ARL6IP5: variants seen among roughly 807,000 people sequenced by gnomAD.
The protein encoded by ARL6IP5 is ARF like GTPase 6 interacting protein 5.
In ARL6IP5, 6 loss-of-function variants were observed where a neutral mutation model predicts 13.0. The observed-to-expected ratio is 0.46, with a 90% CI of 0.25 to 0.91. The LOEUF (loss-of-function observed/expected upper bound fraction) is 0.91. ARL6IP5 is among the 40% of genes least tolerant of loss of function. The pLI is 0.17. For synonymous variants in ARL6IP5, 91 were observed against 91.9 expected, an observed-to-expected ratio of 0.99 and a Z score of 0.06; for missense variants, 208 against 248.8, an observed-to-expected ratio of 0.84 and a Z score of 1.10.
intron 1 of ARL6IP5, among the ~76,000 whole-genome samples, chr3:69,088,510 A>G (rs2092255071): frequency 6.6e-6 from 1 of 152,224 alleles, no homozygotes; most frequent in South Asian, 2.1e-4. Flanking sequence ...TCAAGATTTC[A>G]GGAAGGGTGA....
chr3:69,087,218 G>A (rs1357552496), intron 1 of ARL6IP5, among the ~76,000 whole-genome samples: 3 of 151,804 alleles, frequency 2.0e-5, no homozygotes, highest in African/African-American at 7.3e-5. Context: ...TCACTATGTT[G>A]CCCAGGCTGG....
chr3:69,103,194 C>T (rs565167591), intron 2 of ARL6IP5, among the ~76,000 whole-genome samples: 9 of 152,246 alleles, frequency 5.9e-5, no homozygotes, highest in East Asian at 1.9e-4. Context: ...AGGTGCTTAA[C>T]GCTTAGTATT....
chr3:69,086,671 C>G (rs1164905427), intron 1 of ARL6IP5, among the ~76,000 whole-genome samples: 2 of 151,962 alleles, frequency 1.3e-5, no homozygotes, highest in South Asian at 2.1e-4. Flanking sequence ...CCTTCTGAAC[C>G]TTCCCTCAGC....
At chr3:69,088,749 C>T (rs779074318) in intron 1 of ARL6IP5, among the ~76,000 whole-genome samples, 3 of 152,178 alleles carry the variant, frequency 2.0e-5, no homozygotes, top group South Asian at 2.1e-4. Flanking sequence ...TGTCTAAGAT[C>T]GAAGTTGCCA....
intron 1 of ARL6IP5, 22 bp downstream of exon 1, chr3:69,085,245 G>A: frequency 2.5e-6 from 4 of 1,602,320 alleles, no homozygotes; most frequent in South Asian, 1.1e-5. Context: ...CCCCCTACCC[G>A]GGACACCGAT....
intron 1 of ARL6IP5, among the ~76,000 whole-genome samples, chr3:69,092,708 C>G (rs1164924535): frequency 6.6e-6 from 1 of 151,988 alleles, no homozygotes; most frequent in South Asian, 2.1e-4. Flanking sequence ...TAAGTAGAGA[C>G]GGGGTTTCAC....
At chr3:69,102,116 G>A (rs1256307191) in intron 2 of ARL6IP5, 60 bp downstream of exon 2, 12 of 1,548,614 alleles carry the variant, frequency 7.7e-6, no homozygotes, top group African/African-American at 1.4e-5. Context: ...ATTATCCAAC[G>A]GGAATTCCAT....
chr3:69,101,966 G>A lies in ARL6IP5; in HGVS notation c.304G>A (p.Val102Ile), dbSNP rs148099883. Residue 102 changes from valine (V) to isoleucine (I), a missense_variant, in exon 2 of 3, where the codon GTT becomes ATT. Val to Ile is a conservative substitution (Grantham distance 29). Coordinates refer to ENST00000273258, the MANE Select transcript of ARL6IP5 (RefSeq NM_006407.4). ...GAAGAAGCGCTACCCCACGACGTTC[G>A]TTATGGTGGTCATGTTGGCGAGCTA... ...RMKKRYPTTF[V>I]MVVMLASYFL... 3.8e-5 allele frequency: 62 copies of A among 1,613,936 alleles called. No individual in the cohort carries two copies. The highest frequency in any genetic ancestry group is 5.0e-5 in the Admixed American group (3 of 59,990).
intron 1 of ARL6IP5, 122 bp from the exon 2 acceptor site, chr3:69,101,717 C>G: frequency 1.2e-6 from 1 of 821,794 alleles, no homozygotes; most frequent in Non-Finnish European, 2.0e-6. Flanking sequence ...TCAAATGAGA[C>G]AATTTAGATA....
chr3:69,095,451 G>T (rs2092283856), intron 1 of ARL6IP5, among the ~76,000 whole-genome samples: 1 of 150,612 alleles, frequency 6.6e-6, no homozygotes, highest in African/African-American at 2.4e-5. Flanking sequence ...CGGTTTTTGA[G>T]TTGCAAAACT....
At chr3:69,092,802 G>GA (rs1309083694) in intron 1 of ARL6IP5, among the ~76,000 whole-genome samples, 2 of 150,728 alleles carry the variant, frequency 1.3e-5, no homozygotes, top group Non-Finnish European at 2.9e-5. Context: ...TTACAGGTGT[G>GA]AGCCACTGTA....
intron 1 of ARL6IP5, among the ~76,000 whole-genome samples, chr3:69,095,317 GGAAA>G (rs1187143806): frequency 2.6e-5 from 4 of 151,486 alleles, no homozygotes; most frequent in South Asian, 4.2e-4. Flanking sequence ...ACTATTATAG[GGAAA>G]GATTTATTAA....
intron 1 of ARL6IP5, among the ~76,000 whole-genome samples, chr3:69,088,237 T>C (rs1361609645): frequency 6.6e-6 from 1 of 152,166 alleles, no homozygotes; most frequent in African/African-American, 2.4e-5. Flanking sequence ...TAAAGAGAAC[T>C]ATCCTCTTTC....
intron 1 of ARL6IP5, chr3:69,089,982 G>A (rs1422874836): frequency 2.5e-6 from 1 of 393,676 alleles, no homozygotes; most frequent in Admixed American, 3.3e-5. Flanking sequence ...CTAGAAGGCT[G>A]GTAATTATAA....
At chr3:69,085,995 C>CT (rs1449605477) in intron 1 of ARL6IP5, among the ~76,000 whole-genome samples, 1 of 152,194 alleles carries the variant, frequency 6.6e-6, no homozygotes, top group Non-Finnish European at 1.5e-5. Flanking sequence ...CTAGTTCACC[C>CT]TTTAAGAAAT....
chr3:69,085,059 T>C lies in ARL6IP5; in HGVS notation c.12T>C (p.Asn4=). 1 of 1,613,910 alleles carries C rather than the reference T, an allele frequency of 6.2e-7. No individual in the cohort carries two copies. The highest frequency in any genetic ancestry group is 1.7e-5 in the Admixed American group (1 of 59,988). The change falls in exon 1 of 3, where the codon AAT becomes AAC. Residue 4 remains asparagine, a synonymous_variant. Transcript: ENST00000273258. Reference sequence around the variant, plus strand: ...GCAAAGCTGAGAACATGGACGTTAATATCGCCCCACTCCGCGCCTGGGACG... The same window carrying C: ...GCAAAGCTGAGAACATGGACGTTAACATCGCCCCACTCCGCGCCTGGGACG... MDV[N]IAPLRAWDDF... is the part of the protein sequence containing the mutation.
At chr3:69,100,832 G>A (rs75312535) in intron 1 of ARL6IP5, among the ~76,000 whole-genome samples, 11,728 of 151,892 alleles carry the variant, frequency 0.077, 657 homozygotes, top group Middle Eastern at 0.14. Flanking sequence ...CCTCACTTTG[G>A]GCCTATGTGT....
rs549402201 is a variant in ARL6IP5 at position 69,101,316 on chromosome 3, C to CTTTTTTTTTTTTTT, written c.177-515_177-502dup. On this transcript the variant is annotated intron_variant, in intron 1 of 2. Coordinates refer to ENST00000273258, the MANE Select transcript of ARL6IP5 (RefSeq NM_006407.4). The stretch of plus-strand genomic sequence containing the variant: ...TGCCTGGGTGTGATCTCAGCTCCAC[C>CTTTTTTTTTTTTTT]TTTTTTTTTTTTTTTTTTTTTAATG... Among the ~76,000 whole-genome samples, 31 of 119,446 alleles carry CTTTTTTTTTTTTTT rather than the reference C, an allele frequency of 2.6e-4. 2 individuals carry two copies. Among genetic ancestry groups the CTTTTTTTTTTTTTT allele is most frequent in the East Asian group, 1.0e-3 (3 of 2,898 alleles). The allele number at this position is 119,446 out of a possible 152,430, so 78.4% of individuals were successfully genotyped here.
At position 69,085,097 on chromosome 3, in the gene ARL6IP5, G is replaced by T; in HGVS notation, c.50G>T (p.Gly17Val). ...CGCGCCTGGGACGATTTCTTCCCGG[G>T]TTCCGATCGCTTTGCCCGGCCGGAC... The part of the protein sequence containing the change: ...PLRAWDDFFP[G>V]SDRFARPDFR... The change falls in exon 1 of 3, where the codon GGT becomes GTT. Residue 17 changes from glycine (G) to valine (V), a missense_variant. Coordinates refer to ENST00000273258, the MANE Select transcript of ARL6IP5 (RefSeq NM_006407.4). 1 of 1,614,208 alleles carries T rather than the reference G, an allele frequency of 6.2e-7. No individual in the cohort carries two copies. Among genetic ancestry groups the T allele is most frequent in the Non-Finnish European group, 8.5e-7 (1 of 1,180,036 alleles).
Sources: gnomAD v4.1 joint callset for allele counts (sites outside exome capture counted in the v4.1 genomes callset) on GRCh38, gnomAD v4.1.1 for gene constraint, MANE v1.5 for transcripts, NCBI Gene and HGNC (gene_info 2026-07-23, HGNC 2026-07-21) for gene names.